QTGAL: variants seen among roughly 807,000 people sequenced by gnomAD.
The protein encoded by QTGAL is queuosine-tRNA galactosyltransferase, also known as BGnT-like protein 1.
the QTGAL span, among the ~76,000 whole-genome samples, chr17:83,020,632 C>T: frequency 6.6e-6 from 1 of 152,156 alleles, no homozygotes; most frequent in Non-Finnish European, 1.5e-5. Flanking sequence ...ACCTGCCCAT[C>T]GGGAGACAAA....
chr17:82,959,797 T>C, the QTGAL span, among the ~76,000 whole-genome samples: 1 of 152,042 alleles, frequency 6.6e-6, no homozygotes. Flanking sequence ...CCTAGGGGTC[T>C]CTGGTCTGAA....
chr17:83,016,219 A>C, the QTGAL span, among the ~76,000 whole-genome samples: 1,106 of 152,356 alleles, frequency 7.3e-3, 14 homozygotes, highest in African/African-American at 0.025. Context: ...GTACATGAGT[A>C]AAAGGTACAA....
the QTGAL span, among the ~76,000 whole-genome samples, chr17:82,998,591 C>T: frequency 5.3e-5 from 8 of 152,084 alleles, no homozygotes; most frequent in Non-Finnish European, 8.8e-5. Flanking sequence ...ATGATCCACC[C>T]ACCTTGGCCT....
At chr17:83,032,567 C>T in the QTGAL span, among the ~76,000 whole-genome samples, 1 of 152,192 alleles carries the variant, frequency 6.6e-6, no homozygotes, top group African/African-American at 2.4e-5. Context: ...CCAGCACACC[C>T]TAATCCTGTC....
the QTGAL span, among the ~76,000 whole-genome samples, chr17:83,050,890 T>G: frequency 6.7e-6 from 1 of 149,034 alleles, no homozygotes; most frequent in African/African-American, 2.5e-5. Context: ...CGGGCATGTA[T>G]GCAGGACGCA....
At chr17:82,981,823 T>C in the QTGAL span, 3 of 152,270 alleles carry the variant, frequency 2.0e-5, no homozygotes, top group Non-Finnish European at 2.9e-5. Flanking sequence ...AAACAGGTGA[T>C]CAACATTGTC....
chr17:83,044,975 T>C, the QTGAL span, among the ~76,000 whole-genome samples: 1 of 150,798 alleles, frequency 6.6e-6, no homozygotes, highest in East Asian at 1.9e-4. Context: ...ATCTAAATTG[T>C]AAAAGGAGAA....
the QTGAL span, among the ~76,000 whole-genome samples, chr17:82,966,934 T>G: frequency 6.6e-6 from 1 of 152,212 alleles, no homozygotes; most frequent in East Asian, 1.9e-4. Flanking sequence ...TCACTGAGGA[T>G]GTACGTTCGG....
At chr17:83,012,975 C>T in the QTGAL span, among the ~76,000 whole-genome samples, 1 of 152,150 alleles carries the variant, frequency 6.6e-6, no homozygotes. Flanking sequence ...GCAGTCCATG[C>T]CTGTAAACTT....
At chr17:82,983,258 C>G in the QTGAL span, among the ~76,000 whole-genome samples, 1 of 152,132 alleles carries the variant, frequency 6.6e-6, no homozygotes, top group South Asian at 2.1e-4. Context: ...CCAGTCTGGG[C>G]GACAGAGCGA....
chr17:82,946,523 C>T, the QTGAL span, among the ~76,000 whole-genome samples: 32 of 143,716 alleles, frequency 2.2e-4, no homozygotes, highest in Non-Finnish European at 3.7e-4. Flanking sequence ...TCATAAGGCA[C>T]GGTTGAAGGA....
chr17:83,036,036 G>C, the QTGAL span, among the ~76,000 whole-genome samples: 1 of 151,224 alleles, frequency 6.6e-6, no homozygotes, highest in Non-Finnish European at 1.5e-5. Context: ...TACAACACCA[G>C]AGTGGGTGCA....
At chr17:82,976,246 A>G in the QTGAL span, among the ~76,000 whole-genome samples, 117 of 59,162 alleles carry the variant, frequency 2.0e-3, no homozygotes, top group Middle Eastern at 0.025. Context: ...CCTCCCAGGG[A>G]CCAGAGGCCA....
chr17:83,039,500 C>A, the QTGAL span, among the ~76,000 whole-genome samples: 2 of 127,522 alleles, frequency 1.6e-5, no homozygotes, highest in Non-Finnish European at 3.5e-5. Context: ...CTGTTCTAGA[C>A]ACACTGCTGG....
chr17:82,961,393 GA>G, the QTGAL span: 1 of 289,134 alleles, frequency 3.5e-6, no homozygotes, highest in Non-Finnish European at 7.0e-6. Flanking sequence ...GGAAAGAGGG[GA>G]AGGGAGGGTG....
chr17:82,996,587 T>C, the QTGAL span, among the ~76,000 whole-genome samples: 2 of 149,386 alleles, frequency 1.3e-5, no homozygotes, highest in African/African-American at 4.9e-5. Context: ...AGAACCAGAA[T>C]AGCCCCAGCT....
the QTGAL span, among the ~76,000 whole-genome samples, chr17:82,994,339 G>T: frequency 4.7e-3 from 713 of 152,100 alleles, 5 homozygotes; most frequent in Non-Finnish European, 7.4e-3. Flanking sequence ...GAAATTCAAA[G>T]AAATTAGTGG....
the QTGAL span, among the ~76,000 whole-genome samples, chr17:82,965,276 C>A: frequency 6.6e-6 from 1 of 151,942 alleles, no homozygotes; most frequent in Non-Finnish European, 1.5e-5. Flanking sequence ...TGCAGGTGCA[C>A]CCCCGGGGGG....
At chr17:83,044,526 G>A in the QTGAL span, among the ~76,000 whole-genome samples, 140 of 152,310 alleles carry the variant, frequency 9.2e-4, no homozygotes, top group African/African-American at 3.3e-3. Context: ...TACAGCTAAC[G>A]TCATATTCAA....
Sources: gnomAD v4.1 joint callset for allele counts (sites outside exome capture counted in the v4.1 genomes callset) on GRCh38, gnomAD v4.1.1 for gene constraint, MANE v1.5 for transcripts, NCBI Gene and HGNC (gene_info 2026-07-23, HGNC 2026-07-21) for gene names.